Variants in PDS5B observed in about 807,000 individuals in gnomAD.
The protein encoded by PDS5B is PDS5 cohesin associated factor B, also known as sister chromatid cohesion protein PDS5 homolog B.
PDS5B carries 51 observed loss-of-function variants against 184.1 expected under a neutral mutation model. The observed-to-expected ratio is 0.28, with a 90% CI of 0.22 to 0.35. The LOEUF (loss-of-function observed/expected upper bound fraction) is 0.35, where lower values mean the gene tolerates loss of function less well. PDS5B is among the 10% of genes least tolerant of loss of function. PDS5B has a pLI of 1.00. For missense variants in PDS5B, 1,180 were observed against 1,723.3 expected (o/e 0.68, Z 5.58); for synonymous variants, 566 against 569.2 (o/e 0.99, Z 0.08).
intron 1 of PDS5B, among the ~76,000 whole-genome samples, chr13:32,615,642 T>G (rs1330981542): frequency 6.6e-6 from 1 of 152,176 alleles, no homozygotes; most frequent in Non-Finnish European, 1.5e-5. Flanking sequence ...CATGGTGTAA[T>G]GAAGAGTGTG....
intron 1 of PDS5B, among the ~76,000 whole-genome samples, chr13:32,613,158 T>C (rs2058167775): frequency 6.6e-6 from 1 of 152,250 alleles, no homozygotes; most frequent in African/African-American, 2.4e-5. Flanking sequence ...GCATTTGGGT[T>C]ATTTCCATTT....
chr13:32,617,587 A>C (rs1242187092), intron 1 of PDS5B, among the ~76,000 whole-genome samples: 2 of 152,136 alleles, frequency 1.3e-5, no homozygotes, highest in Non-Finnish European at 2.9e-5. Flanking sequence ...GTGAACCCTA[A>C]GGGTTAAAGA....
intron 1 of PDS5B, among the ~76,000 whole-genome samples, chr13:32,591,500 A>G (rs1211123286): frequency 2.6e-5 from 4 of 152,186 alleles, no homozygotes; most frequent in African/African-American, 7.2e-5. Flanking sequence ...ACAGATCAAC[A>G]TAATTAAGAA....
intron 17 of PDS5B, among the ~76,000 whole-genome samples, chr13:32,704,672 C>T (rs1352646311): frequency 6.6e-6 from 1 of 152,126 alleles, no homozygotes; most frequent in African/African-American, 2.4e-5. Flanking sequence ...GTTCTTTAGT[C>T]TTCTGAGGTT....
At chr13:32,748,210 A>G (rs1014022990) in intron 24 of PDS5B, among the ~76,000 whole-genome samples, 2 of 152,156 alleles carry the variant, frequency 1.3e-5, no homozygotes, top group African/African-American at 4.8e-5. Context: ...TCCTCTTTTT[A>G]AACCTCCAAA....
chr13:32,673,959 G>GC (rs374781033), intron 8 of PDS5B, among the ~76,000 whole-genome samples: 10 of 192 alleles, frequency 0.052, no homozygotes, highest in African/African-American at 0.17. Flanking sequence ...GGGACTACAG[G>GC]CTGTGCCACC....
At position 32,758,520 on chromosome 13, in the gene PDS5B, AT is replaced by A. The variant is rs1384039511; in HGVS notation, c.3190-13del. The A allele has an allele frequency of 6.2e-7, 1 of 1,603,480 alleles. No homozygotes were observed. Among genetic ancestry groups the A allele is most frequent in the Non-Finnish European group, 8.5e-7 (1 of 1,174,992 alleles). ...AGCTTAAGTATCTGTGTTTTTAAAA[AT>A]ATACTATTGCAGAAACTGTACACTG... On this transcript the variant is annotated splice_polypyrimidine_tract_variant and intron_variant, in intron 27 of 34. Coordinates refer to ENST00000315596, the MANE Select transcript of PDS5B (RefSeq NM_015032.4).
intron 21 of PDS5B, among the ~76,000 whole-genome samples, chr13:32,737,593 A>G (rs1953385931): frequency 6.6e-6 from 1 of 152,152 alleles, no homozygotes; most frequent in Non-Finnish European, 1.5e-5. Context: ...GTTGCCTTCA[A>G]ACTGATTTTT....
intron 1 of PDS5B, among the ~76,000 whole-genome samples, 186 bp downstream of exon 1, chr13:32,586,779 G>A (rs1197128426): frequency 6.8e-6 from 1 of 147,412 alleles, no homozygotes; most frequent in East Asian, 2.0e-4. Context: ...GCCTGGCGGT[G>A]GCCCGGGGCG....
At chr13:32,628,788 T>C (rs2058410631) in intron 1 of PDS5B, among the ~76,000 whole-genome samples, 1 of 152,238 alleles carries the variant, frequency 6.6e-6, no homozygotes, top group Non-Finnish European at 1.5e-5. Flanking sequence ...ATTTTTTTCT[T>C]TGTAATGACT....
intron 16 of PDS5B, among the ~76,000 whole-genome samples, chr13:32,700,367 T>A (rs1403655904): frequency 6.6e-6 from 1 of 152,152 alleles, no homozygotes; most frequent in Non-Finnish European, 1.5e-5. Context: ...TTTATGCTAA[T>A]CACCAGTAAT....
chr13:32,637,067 TG>T lies in PDS5B; in HGVS notation c.-19-11685del, dbSNP rs547053880. ...GAGCAAATGGTCAGATTAGTATATTTGGAACTTATTCGAAGGGCAGTGAGAA... is the reference window on the plus strand; with the variant it reads ...GAGCAAATGGTCAGATTAGTATATTTGAACTTATTCGAAGGGCAGTGAGAA... On this transcript the variant is annotated intron_variant, in intron 1 of 34. Transcript: ENST00000315596. 1.2e-4 allele frequency among the ~76,000 whole-genome samples: 18 copies of T among 152,350 alleles called. No homozygotes were observed. In the South Asian group the frequency reaches 3.7e-3, roughly 32 times the overall value.
At chr13:32,634,849 G>A (rs948234812) in intron 1 of PDS5B, among the ~76,000 whole-genome samples, 4 of 152,152 alleles carry the variant, frequency 2.6e-5, no homozygotes, top group Admixed American at 2.6e-4. Flanking sequence ...CCAGAGTGCT[G>A]GGATTACAGG....
intron 3 of PDS5B, among the ~76,000 whole-genome samples, chr13:32,656,275 T>TTTTC (rs1555296521): frequency 2.2e-5 from 3 of 135,300 alleles, no homozygotes; most frequent in Non-Finnish European, 4.5e-5. Context: ...TCCAGCTTCT[T>TTTTC]TTTTTTTTTT....
chr13:32,680,875 A>G (rs1951220512), intron 10 of PDS5B, among the ~76,000 whole-genome samples: 1 of 152,200 alleles, frequency 6.6e-6, no homozygotes, highest in African/African-American at 2.4e-5. Context: ...TATTTAAATC[A>G]TGTTTTTCAG....
At chr13:32,697,743 T>C (rs1951747734) in intron 15 of PDS5B, among the ~76,000 whole-genome samples, 2 of 152,194 alleles carry the variant, frequency 1.3e-5, no homozygotes, top group Admixed American at 6.5e-5. Context: ...GAGATCTTGC[T>C]CTTTTGCCCA....
chr13:32,751,881 A>G lies in PDS5B; in HGVS notation c.2737-1451A>G, dbSNP rs1018341043. On this transcript the variant is annotated intron_variant, in intron 24 of 34. Coordinates refer to ENST00000315596, the MANE Select transcript of PDS5B (RefSeq NM_015032.4). ...GTTTAGACTACTTCTGTAAAACTAG[A>G]TGTTTGGTATTTTGATAAACTGAAA... 9.2e-5 allele frequency among the ~76,000 whole-genome samples: 14 copies of G among 152,066 alleles called. 1 individual carries two copies.
rs753868380 is a variant in PDS5B at position 32,753,564 on chromosome 13, A to G, written c.2941+28A>G. ...AAGCATATAAGAAAATGGAAAGGAT[A>G]CTTTTTCAGCCTGCTAGTTTCAGTT... On this transcript the variant is annotated intron_variant, in intron 25 of 34. Coordinates refer to ENST00000315596, the MANE Select transcript of PDS5B (RefSeq NM_015032.4). The G allele has an allele frequency of 2.7e-6, 4 of 1,494,152 alleles. 1 individual carries two copies. In the Admixed American group the frequency reaches 5.4e-5, roughly 20 times the overall value. The allele number at this position is 1,494,152 out of a possible 1,614,324, so 92.6% of individuals were successfully genotyped here.
At chr13:32,618,800 C>T (rs1026038794) in intron 1 of PDS5B, among the ~76,000 whole-genome samples, 1 of 152,292 alleles carries the variant, frequency 6.6e-6, no homozygotes, top group East Asian at 1.9e-4. Context: ...TGTCTTTCAT[C>T]TCAGTCCACT....
Sources: gnomAD v4.1 joint callset for allele counts (sites outside exome capture counted in the v4.1 genomes callset) on GRCh38, gnomAD v4.1.1 for gene constraint, MANE v1.5 for transcripts, NCBI Gene and HGNC (gene_info 2026-07-23, HGNC 2026-07-21) for gene names.